The following SOD2 variants were observed in gnomAD, a reference collection of about 807,000 sequenced individuals.
SOD2 encodes the protein superoxide dismutase [Mn], mitochondrial.
In SOD2, 11 loss-of-function variants were observed where a neutral mutation model predicts 27.0. The observed-to-expected ratio is 0.41, with a 90% CI of 0.26 to 0.67. The LOEUF (loss-of-function observed/expected upper bound fraction) is 0.67, where lower values mean the gene tolerates loss of function less well. Among genes scored for constraint, SOD2 ranks in the 30% least tolerant of loss-of-function variants. The probability of loss-of-function intolerance (pLI) is 0.34; values close to 1 mark genes in which losing one functional copy is unlikely to be tolerated. For synonymous variants in SOD2, 105 were observed against 103.0 expected (o/e 1.02, Z -0.12); for missense variants, 250 against 274.5 (o/e 0.91, Z 0.63).
chr6:159,742,066 TG>T (rs1779289874), intron 1 of SOD2: 6 of 1,544,414 alleles, frequency 3.9e-6, no homozygotes, highest in Non-Finnish European at 5.3e-6. Flanking sequence ...TAACAACTAA[TG>T]TATGGATTTT....
At chr6:159,754,967 AAAG>A in intron 1 of SOD2, 1 of 1,465,698 alleles carries the variant, frequency 6.8e-7, no homozygotes, top group Non-Finnish European at 9.1e-7. Context: ...GGCAGGCACT[AAAG>A]AAACATTTTT....
At chr6:159,687,489 A>G (rs1313626989) in intron 3 of SOD2, among the ~76,000 whole-genome samples, 1 of 151,862 alleles carries the variant, frequency 6.6e-6, no homozygotes, top group African/African-American at 2.4e-5. Flanking sequence ...TCTCAAAAAA[A>G]AAAAGTTCAT....
At chr6:159,693,520 G>C (rs1041377745), upstream of SOD2, among the ~76,000 whole-genome samples, 12 of 152,184 alleles carry the variant, frequency 7.9e-5, no homozygotes, top group Non-Finnish European at 1.8e-4. Flanking sequence ...CGCGGCCGAA[G>C]GGAGGCGGCC....
intron 2 of SOD2, 197 bp from the exon 3 acceptor site, chr6:159,688,439 G>A (rs1349327915): frequency 5.9e-6 from 3 of 512,040 alleles, no homozygotes; most frequent in African/African-American, 5.8e-5. Context: ...GAAGGACCTA[G>A]CAGAGGTGGA....
chr6:159,689,975 AAGAG>A (rs1373558604), intron 2 of SOD2, among the ~76,000 whole-genome samples: 1 of 150,998 alleles, frequency 6.6e-6, no homozygotes, highest in Non-Finnish European at 1.5e-5. Context: ...AAAAAAAAGA[AAGAG>A]AAAGAAAAAA....
At chr6:159,704,469 G>A (rs769186197) in intron 1 of SOD2, among the ~76,000 whole-genome samples, 1 of 152,214 alleles carries the variant, frequency 6.6e-6, no homozygotes, top group Non-Finnish European at 1.5e-5. Context: ...CAGCACACCA[G>A]GAGATTATAT....
intron 1 of SOD2, among the ~76,000 whole-genome samples, chr6:159,719,340 T>C (rs767037385): frequency 3.3e-5 from 5 of 152,062 alleles, no homozygotes; most frequent in Non-Finnish European, 7.4e-5. Context: ...CTGGCCAACA[T>C]GGTGAAACTC....
rs1164347627 is a variant in SOD2, at chr6:159,736,171, ATTGAT to A, written c.-116+8954_-116+8958del. The A allele has an allele frequency of 3.1e-6, 4 of 1,288,620 alleles. No homozygotes were observed. The African/African-American group carries it at 6.0e-5, about 19-fold the overall frequency. The allele number at this position is 1,288,620 out of a possible 1,614,324, so 79.8% of individuals were successfully genotyped here. On this transcript the variant is annotated intron_variant, in intron 1 of 3. Transcript: ENST00000537657. ...CAACAGTAATTTAGTTCACTAATAA[ATTGAT>A]TTGAAAGAGTCAGTATTTTTTATTC...
rs1779876239 is a variant in SOD2 at position 159,679,927 on chromosome 6, C to G, written c.*2566G>C. On this transcript the variant is annotated 3_prime_UTR_variant, in exon 5 of 5. Transcript: ENST00000538183. ...CAGATGTGAGTCACCCCGCCCAGCC[C>G]TAAACAATCTTAAAGTCTCCTTTTC... The G allele has an allele frequency of 6.6e-6, 1 of 152,148 alleles. No individual in the cohort carries two copies. Among genetic ancestry groups the G allele is most frequent in the Non-Finnish European group, 1.5e-5 (1 of 68,048 alleles). 9.4% of individuals were successfully genotyped at this position (152,148 alleles called of 1,614,324 possible).
intron 1 of SOD2, among the ~76,000 whole-genome samples, chr6:159,720,795 G>A (rs1202481795): frequency 6.9e-6 from 1 of 145,044 alleles, no homozygotes; most frequent in African/African-American, 2.5e-5. Context: ...TGATGGTTTG[G>A]TTCAAATGGT....
At chr6:159,688,863 CA>C (rs1400099629) in intron 2 of SOD2, among the ~76,000 whole-genome samples, 1 of 152,102 alleles carries the variant, frequency 6.6e-6, no homozygotes. Flanking sequence ...AAAATACATC[CA>C]ATCTATATAA....
chr6:159,725,757 T>C (rs568192212), intron 1 of SOD2: 38 of 151,838 alleles, frequency 2.5e-4, no homozygotes, highest in African/African-American at 8.9e-4. Context: ...AATATTCATA[T>C]TAAATATAAA....
exon 1 of SOD2, chr6:159,727,161 C>G: frequency 1.7e-6 from 2 of 1,195,946 alleles, no homozygotes; most frequent in Non-Finnish European, 2.1e-6. Flanking sequence ...CCGCGGAGCT[C>G]GCGCCAGGCT....
intron 1 of SOD2, among the ~76,000 whole-genome samples, chr6:159,744,975 C>G (rs1040443432): frequency 1.3e-5 from 2 of 152,230 alleles, no homozygotes; most frequent in African/African-American, 4.8e-5. Context: ...GCCATCGCAC[C>G]TGGCCCATTA....
At chr6:159,748,311 A>G, upstream of SOD2, 1 of 1,614,094 alleles carries the variant, frequency 6.2e-7, no homozygotes, top group Non-Finnish European at 8.5e-7. The surrounding 1 kb of genome is among the most constrained non-coding windows in gnomAD (Gnocchi z 5.6). Context: ...GGAACAGACT[A>G]AAGACAAACT....
chr6:159,759,576 A>G (rs1780081689), intron 1 of SOD2, among the ~76,000 whole-genome samples: 1 of 151,606 alleles, frequency 6.6e-6, no homozygotes, highest in African/African-American at 2.4e-5. Flanking sequence ...ACTCTGAGGC[A>G]GAAGAATCGC....
In SOD2 at chr6:159,669,914, A is replaced by C. The variant is rs891174220; in HGVS notation, c.*12579T>G. On this transcript the variant is annotated 3_prime_UTR_variant, in exon 5 of 5. Coordinates refer to ENST00000538183, the MANE Select transcript of SOD2 (RefSeq NM_000636.4). ...TTTTTAATCCATTCAGTCAATCTAT[A>C]TCTTTTAAGTGGGAGAATTTAATCC... is the stretch of plus-strand genomic sequence containing the variant. 6.6e-6 allele frequency: 1 copy of C among 152,172 alleles called. No homozygotes were observed. Among genetic ancestry groups the C allele is most frequent in the African/African-American group, 2.4e-5 (1 of 41,444 alleles). The allele number at this position is 152,172 out of a possible 1,614,324, so 9.4% of individuals were successfully genotyped here. A position where few individuals can be genotyped will look rare whatever the true frequency, so the allele number is the denominator to read the frequency against.
At chr6:159,710,440 T>C (rs942515211) in intron 1 of SOD2, among the ~76,000 whole-genome samples, 5 of 151,804 alleles carry the variant, frequency 3.3e-5, no homozygotes, top group Admixed American at 6.6e-5. Flanking sequence ...AGAGTTAGAC[T>C]CTGTCTCAAA....
At chr6:159,695,076 A>G (rs1430054859), upstream of SOD2, among the ~76,000 whole-genome samples, 1 of 152,110 alleles carries the variant, frequency 6.6e-6, no homozygotes, top group African/African-American at 2.4e-5. Flanking sequence ...AAGCTGGTAC[A>G]TTCGTCTCAG....
Sources: gnomAD v4.1 joint callset for allele counts (sites outside exome capture counted in the v4.1 genomes callset) on GRCh38, gnomAD v4.1.1 for gene constraint, Gnocchi (gnomAD v3.1) non-coding constraint, MANE v1.5 for transcripts, NCBI Gene and HGNC (gene_info 2026-07-23, HGNC 2026-07-21) for gene names.